Variants in C4orf51 observed in about 807,000 individuals in gnomAD.
C4orf51 encodes uncharacterized protein C4orf51.
C4orf51 carries 25 observed loss-of-function variants against 25.2 expected under a neutral mutation model. The ratio of observed to expected loss-of-function variants is 0.99; its 90% CI spans 0.72 to 1.39. The LOEUF (loss-of-function observed/expected upper bound fraction) is 1.39, where lower values mean the gene tolerates loss of function less well. C4orf51 is among the 40% of genes most tolerant of loss of function. C4orf51 has a pLI of 0.00. For synonymous variants in C4orf51, 100 were observed against 84.5 expected, an observed-to-expected ratio of 1.18 and a Z score of -1.01; for missense variants, 252 against 239.6, an observed-to-expected ratio of 1.05 and a Z score of -0.34.
At chr4:145,702,874 A>G (rs866816878) in intron 2 of C4orf51, among the ~76,000 whole-genome samples, 100 of 149,498 alleles carry the variant, frequency 6.7e-4, no homozygotes, top group African/African-American at 2.4e-3. Context: ...CCCTTACCAC[A>G]AGACCTCCCT....
intron 5 of C4orf51, 79 bp downstream of exon 5, chr4:145,730,044 G>C: frequency 8.5e-7 from 1 of 1,182,810 alleles, no homozygotes; most frequent in Non-Finnish European, 1.3e-6. Flanking sequence ...TCTCTACATG[G>C]CAGCAGGGGT....
At chr4:145,768,894 T>TAG (rs1735782924) in intron 1 of C4orf51, among the ~76,000 whole-genome samples, 2 of 12,084 alleles carry the variant, frequency 1.7e-4, no homozygotes, top group Non-Finnish European at 3.9e-4. Flanking sequence ...AAAAAAAATA[T>TAG]ATATATATAT....
At chr4:145,785,554 C>G in the C4orf51 span, among the ~76,000 whole-genome samples, 35 of 152,088 alleles carry the variant, frequency 2.3e-4, no homozygotes, top group African/African-American at 8.5e-4. Context: ...AACTGTTGCC[C>G]AAGGTTGGGC....
the C4orf51 span, among the ~76,000 whole-genome samples, chr4:145,777,923 A>G: frequency 6.6e-6 from 1 of 152,108 alleles, no homozygotes; most frequent in South Asian, 2.1e-4. Context: ...TCTTTGGTCC[A>G]ATTAGGCAGG....
chr4:145,780,759 A>G, the C4orf51 span, among the ~76,000 whole-genome samples: 12 of 152,254 alleles, frequency 7.9e-5, no homozygotes, highest in African/African-American at 2.7e-4. Context: ...GAAGACCAAG[A>G]CAAATGACAC....
chr4:145,696,848 C>T (rs538771788), intron 2 of C4orf51, among the ~76,000 whole-genome samples: 1 of 152,232 alleles, frequency 6.6e-6, no homozygotes, highest in African/African-American at 2.4e-5. Flanking sequence ...GGCTGGCCAA[C>T]ATGGTGAAAC....
intron 2 of C4orf51, among the ~76,000 whole-genome samples, chr4:145,711,353 G>T (rs1173543961): frequency 1.3e-5 from 2 of 152,176 alleles, no homozygotes; most frequent in Non-Finnish European, 2.9e-5. Context: ...CATTGCTGGG[G>T]CTCTAACAGC....
At position 145,763,871 on chromosome 4, in the gene C4orf51, A is replaced by T. The variant is rs1324446823; in HGVS notation, n.167-7117A>T. ...TCTGCCCTCCCCTCCCCCTCCCCCAAGAGTGAAACGAAATGGAGTTCAACG... is the reference window on the plus strand; with the variant it reads ...TCTGCCCTCCCCTCCCCCTCCCCCATGAGTGAAACGAAATGGAGTTCAACG... On this transcript the variant is annotated intron_variant and non_coding_transcript_variant, in intron 1 of 1. Transcript: ENST00000510096. The surrounding 1 kb of genome is among the most constrained non-coding windows in gnomAD (Gnocchi z 4.6). 6.6e-6 allele frequency among the ~76,000 whole-genome samples: 1 copy of T among 151,932 alleles called. No homozygotes were observed. The highest frequency in any genetic ancestry group is 1.5e-5 in the Non-Finnish European group (1 of 67,966).
rs190890929 is a variant in C4orf51, at chr4:145,680,319, G to A, written c.116G>A (p.Arg39Gln). 83 of 1,613,946 alleles carry A rather than the reference G, an allele frequency of 5.1e-5. No homozygotes were observed. In the Admixed American group the frequency reaches 6.5e-4, roughly 13 times the overall value. Residue 39 changes from arginine to glutamine, a missense_variant, in exon 1 of 6, where the codon CGA becomes CAA. Coordinates refer to ENST00000438731, the MANE Select transcript of C4orf51 (RefSeq NM_001080531.3). ...KAGASWQDET[R>Q]WSDSSVTTYT... is the part of the protein sequence containing the mutation. ...GGAGCATCTTGGCAGGATGAAACAC[G>A]ATGGTCAGATTCTTCCGTGACAACA... is the stretch of plus-strand genomic sequence containing the variant.
intron 2 of C4orf51, among the ~76,000 whole-genome samples, chr4:145,715,619 C>A (rs1280611831): frequency 1.3e-5 from 2 of 152,164 alleles, no homozygotes; most frequent in Non-Finnish European, 2.9e-5. Context: ...CAGGCTCCCA[C>A]TATAGTACTG....
At chr4:145,748,921 GT>G (rs1425912566) in intron 1 of C4orf51, among the ~76,000 whole-genome samples, 1 of 151,974 alleles carries the variant, frequency 6.6e-6, no homozygotes, top group Admixed American at 6.6e-5. Flanking sequence ...ATGTTTAGTT[GT>G]TAATTTTCTG....
chr4:145,735,966 TA>T (rs1329498349), downstream of C4orf51, among the ~76,000 whole-genome samples: 1 of 152,212 alleles, frequency 6.6e-6, no homozygotes, highest in Non-Finnish European at 1.5e-5. Context: ...GGGTCAGCCC[TA>T]CACTCTGTTC....
intron 2 of C4orf51, among the ~76,000 whole-genome samples, chr4:145,705,701 T>C (rs1290978815): frequency 6.6e-6 from 1 of 152,180 alleles, no homozygotes; most frequent in African/African-American, 2.4e-5. Flanking sequence ...ATGAGCAGTC[T>C]AGGGGTCCTT....
At chr4:145,710,400 G>C (rs1731066094) in intron 2 of C4orf51, among the ~76,000 whole-genome samples, 1 of 152,146 alleles carries the variant, frequency 6.6e-6, no homozygotes, top group African/African-American at 2.4e-5. Context: ...CCTGCTTCTG[G>C]GGTATTGTGT....
chr4:145,782,703 CA>C, the C4orf51 span, among the ~76,000 whole-genome samples: 1 of 152,214 alleles, frequency 6.6e-6, no homozygotes, highest in African/African-American at 2.4e-5. Flanking sequence ...TTCTGTATGG[CA>C]AAGGCTCCTC....
downstream of C4orf51, among the ~76,000 whole-genome samples, chr4:145,774,943 CTA>C (rs1217048027): frequency 1.3e-5 from 2 of 152,164 alleles, no homozygotes; most frequent in Non-Finnish European, 2.9e-5. Flanking sequence ...TAATTTAAAA[CTA>C]TGGATTCCAG....
intron 1 of C4orf51, among the ~76,000 whole-genome samples, chr4:145,751,240 T>C (rs183966199): frequency 6.6e-6 from 1 of 152,280 alleles, no homozygotes; most frequent in Non-Finnish European, 1.5e-5. Context: ...AGTTAGGTAT[T>C]TATTTTAGTC....
At chr4:145,719,610 C>A (rs28504148) in intron 2 of C4orf51, among the ~76,000 whole-genome samples, 56,364 of 140,102 alleles carry the variant, frequency 0.4, 12,386 homozygotes, top group African/African-American at 0.59. Context: ...AAAAAAAAAG[C>A]AGCATCCTTT....
chr4:145,746,811 GAC>G (rs1211837021), intron 1 of C4orf51, among the ~76,000 whole-genome samples: 1 of 151,938 alleles, frequency 6.6e-6, no homozygotes, highest in East Asian at 1.9e-4. Flanking sequence ...GGGTAGTATG[GAC>G]ATTTTAACAA....
Sources: gnomAD v4.1 joint callset for allele counts (sites outside exome capture counted in the v4.1 genomes callset) on GRCh38, gnomAD v4.1.1 for gene constraint, Gnocchi (gnomAD v3.1) non-coding constraint, MANE v1.5 for transcripts, NCBI Gene and HGNC (gene_info 2026-07-23, HGNC 2026-07-21) for gene names.